CELF2: variants seen among roughly 807,000 people sequenced by gnomAD.
The protein encoded by CELF2 is CUGBP Elav-like family member 2.
In CELF2, 8 loss-of-function variants were observed where a neutral mutation model predicts 62.6. That is an observed-to-expected ratio of 0.13 (90% CI 0.07 to 0.23). The LOEUF (loss-of-function observed/expected upper bound fraction) is 0.23, where lower values mean the gene tolerates loss of function less well. Ranked by LOEUF, CELF2 falls within the 10% of genes least tolerant of loss-of-function variation. The pLI is 1.00. For missense variants in CELF2, 333 were observed against 671.0 expected, an observed-to-expected ratio of 0.50 and a Z score of 5.56; for synonymous variants, 258 against 250.0, an observed-to-expected ratio of 1.03 and a Z score of -0.30.
the CELF2 span, among the ~76,000 whole-genome samples, chr10:10,760,716 C>T: frequency 2.6e-5 from 4 of 152,028 alleles, no homozygotes; most frequent in African/African-American, 9.7e-5. Context: ...GAGTAGAACA[C>T]GTCCAAGCAA....
At chr10:10,800,408 G>A (rs1347385480) in intron 1 of CELF2, among the ~76,000 whole-genome samples, 3 of 152,044 alleles carry the variant, frequency 2.0e-5, no homozygotes, top group Non-Finnish European at 4.4e-5. Context: ...CTGGAGTGCA[G>A]TGGCATGATC....
chr10:10,546,421 T>A, the CELF2 span, among the ~76,000 whole-genome samples: 5 of 152,192 alleles, frequency 3.3e-5, no homozygotes, highest in African/African-American at 4.8e-5. Flanking sequence ...TTAGTGCAGG[T>A]TTCCGGGAGA....
chr10:11,311,795 G>A lies in CELF2; in HGVS notation c.977-2344G>A, dbSNP rs932250666. Among the ~76,000 whole-genome samples the A allele has an allele frequency of 6.6e-6, 1 of 152,090 alleles. No individual in the cohort carries two copies. The highest frequency in any genetic ancestry group is 1.5e-5 in the Non-Finnish European group (1 of 68,012). On this transcript the variant is annotated intron_variant, in intron 9 of 12. Coordinates refer to ENST00000633077, the MANE Select transcript of CELF2 (RefSeq NM_001326342.2). The surrounding 1 kb of genome is among the most constrained non-coding windows in gnomAD (Gnocchi z 4.7). Reference sequence around the variant, plus strand: ...CCAACCGAGAAACAGAATATGAGAGGTGAAGTGACATGGAATAGATCTAAC... The same window carrying A: ...CCAACCGAGAAACAGAATATGAGAGATGAAGTGACATGGAATAGATCTAAC...
the CELF2 span, among the ~76,000 whole-genome samples, chr10:10,749,847 G>A: frequency 6.6e-5 from 10 of 152,156 alleles, no homozygotes; most frequent in Admixed American, 4.6e-4. Context: ...GTTTTATAAT[G>A]AGCCAATCTG....
chr10:11,249,050 A>C, intron 3 of CELF2, 103 bp from the exon 4 acceptor site: 1 of 871,868 alleles, frequency 1.1e-6, no homozygotes, highest in Non-Finnish European at 1.9e-6. Flanking sequence ...GTTGTCACTT[A>C]TGTGCCCTTA....
chr10:10,643,938 C>A, the CELF2 span, among the ~76,000 whole-genome samples: 1 of 152,190 alleles, frequency 6.6e-6, no homozygotes, highest in East Asian at 1.9e-4. Context: ...CAGAAATAAT[C>A]TGTTTCTCCC....
chr10:11,231,690 CT>C (rs369230271), intron 3 of CELF2, among the ~76,000 whole-genome samples: 17,170 of 131,158 alleles, frequency 0.13, 1,125 homozygotes, highest in African/African-American at 0.2. Context: ...TGGTTGCTTT[CT>C]TTTTTTTTTT....
intron 9 of CELF2, among the ~76,000 whole-genome samples, chr10:11,312,348 T>TA (rs1412215337): frequency 2.6e-5 from 4 of 152,098 alleles, no homozygotes; most frequent in Non-Finnish European, 5.9e-5. Flanking sequence ...AAGTGGTAAA[T>TA]ATGTGGGCAA....
At chr10:10,940,645 G>C (rs1271299824) in intron 2 of CELF2, among the ~76,000 whole-genome samples, 3 of 152,160 alleles carry the variant, frequency 2.0e-5, no homozygotes, top group African/African-American at 7.2e-5. Flanking sequence ...AAACATCTAG[G>C]AATAGCATGG....
At chr10:10,830,798 G>T (rs967024471) in intron 1 of CELF2, among the ~76,000 whole-genome samples, 13 of 152,082 alleles carry the variant, frequency 8.5e-5, no homozygotes, top group African/African-American at 3.1e-4. Flanking sequence ...CATACTTCCT[G>T]TGTGTTAGTC....
the CELF2 span, among the ~76,000 whole-genome samples, chr10:10,609,775 C>T: frequency 6.6e-6 from 1 of 152,212 alleles, no homozygotes; most frequent in Non-Finnish European, 1.5e-5. Flanking sequence ...AGCCAACTCA[C>T]CCAACTGGCT....
At chr10:10,829,178 T>C (rs1038668233) in intron 1 of CELF2, among the ~76,000 whole-genome samples, 6 of 152,246 alleles carry the variant, frequency 3.9e-5, no homozygotes, top group African/African-American at 1.4e-4. Context: ...CTGATACGTA[T>C]CTTGAATATT....
chr10:11,140,144 T>C (rs1309166024), intron 1 of CELF2, among the ~76,000 whole-genome samples: 2 of 150,114 alleles, frequency 1.3e-5, no homozygotes, highest in Non-Finnish European at 3.0e-5. Context: ...TAAATTTGCC[T>C]TAAAAGAAAT....
At chr10:11,116,628 G>C (rs942148086) in intron 1 of CELF2, among the ~76,000 whole-genome samples, 7 of 152,210 alleles carry the variant, frequency 4.6e-5, no homozygotes, top group Admixed American at 6.5e-5. Flanking sequence ...GGTGAGTTCA[G>C]CGAAGTTGGT....
At chr10:11,141,046 T>A (rs181888942) in intron 1 of CELF2, among the ~76,000 whole-genome samples, 1 of 152,340 alleles carries the variant, frequency 6.6e-6, no homozygotes, top group Admixed American at 6.5e-5. Flanking sequence ...CTAACTTTTG[T>A]GTATTCGTAG....
At chr10:11,133,064 G>A (rs571147274) in intron 1 of CELF2, among the ~76,000 whole-genome samples, 1 of 152,232 alleles carries the variant, frequency 6.6e-6, no homozygotes, top group South Asian at 2.1e-4. Context: ...AAACTATAAA[G>A]AGCTTAAAGA....
the CELF2 span, among the ~76,000 whole-genome samples, chr10:10,616,297 T>A: frequency 1.9e-5 from 2 of 104,230 alleles, no homozygotes; most frequent in South Asian, 6.1e-4. Flanking sequence ...TTGTTTGGGG[T>A]GTGTGTGTGT....
At chr10:10,720,183 A>G in the CELF2 span, among the ~76,000 whole-genome samples, 2 of 152,204 alleles carry the variant, frequency 1.3e-5, no homozygotes, top group Non-Finnish European at 2.9e-5. Flanking sequence ...CAGGCAACTC[A>G]TCTATAAATA....
rs1169622783 is a variant in CELF2 at position 11,098,124 on chromosome 10, G to A, written c.75-67362G>A. 6.6e-6 allele frequency: 1 copy of A among 152,546 alleles called. No individual in the cohort carries two copies. The highest frequency in any genetic ancestry group is 1.5e-5 in the Non-Finnish European group (1 of 68,264). 9.4% of individuals were successfully genotyped at this position (152,546 alleles called of 1,614,324 possible). A position where few individuals can be genotyped will look rare whatever the true frequency, so the allele number is the denominator to read the frequency against. On this transcript the variant is annotated intron_variant, in intron 1 of 12. Transcript: ENST00000633077. This position sits in a 1 kb window ranked among gnomAD's most constrained non-coding sequence, Gnocchi z 4.0. ...GAAAGAAAGTCACGTGGCTAGTGAA[G>A]GTTGAGCATGTTGTGTGTGTGAAGG...
Sources: allele counts gnomAD v4.1 joint callset (sites outside exome capture counted in the v4.1 genomes callset), GRCh38; gene constraint gnomAD v4.1.1; non-coding constraint Gnocchi (gnomAD v3.1); transcripts MANE v1.5; gene names NCBI Gene and HGNC (gene_info 2026-07-23, HGNC 2026-07-21).